Variants in CACNA2D3 observed in about 807,000 individuals in gnomAD.
CACNA2D3 encodes the protein calcium voltage-gated channel auxiliary subunit alpha2delta 3.
A neutral mutation model predicts 160.6 loss-of-function variants in CACNA2D3; 60 were observed. That is an observed-to-expected ratio of 0.37 (90% CI 0.30 to 0.46). The LOEUF (loss-of-function observed/expected upper bound fraction) is 0.46. CACNA2D3 is among the 20% of genes least tolerant of loss of function. The probability of loss-of-function intolerance (pLI) is 1.00; values close to 1 mark genes in which losing one functional copy is unlikely to be tolerated. For synonymous variants in CACNA2D3, 558 were observed against 492.9 expected (o/e 1.13, Z -1.75); for missense variants, 1,205 against 1,365.0 (o/e 0.88, Z 1.85).
intron 27 of CACNA2D3, among the ~76,000 whole-genome samples, chr3:54,931,225 A>G (rs1173751713): frequency 6.6e-6 from 1 of 152,214 alleles, no homozygotes; most frequent in Non-Finnish European, 1.5e-5. Flanking sequence ...CCCCAGAGCT[A>G]ATGGGTTCCT....
intron 24 of CACNA2D3, 40 bp from the exon 25 acceptor site, chr3:54,891,315 G>T (rs1013767699): frequency 9.3e-6 from 13 of 1,399,632 alleles, no homozygotes; most frequent in African/African-American, 1.4e-5. Context: ...TCTGCTTACT[G>T]TCTAGAGGCC....
At chr3:54,833,041 G>A (rs1463100692) in intron 14 of CACNA2D3, among the ~76,000 whole-genome samples, 1 of 152,200 alleles carries the variant, frequency 6.6e-6, no homozygotes, top group Non-Finnish European at 1.5e-5. Flanking sequence ...CCTTGCACAT[G>A]AGTTCAAATG....
chr3:54,850,635 G>A (rs1386620247), intron 17 of CACNA2D3, among the ~76,000 whole-genome samples: 2 of 152,194 alleles, frequency 1.3e-5, no homozygotes, highest in Non-Finnish European at 2.9e-5. Context: ...CAAGGAGGAG[G>A]TCTGGAATGT....
chr3:54,582,569 G>T (rs1007343045), intron 9 of CACNA2D3, among the ~76,000 whole-genome samples: 2 of 152,192 alleles, frequency 1.3e-5, no homozygotes, highest in Non-Finnish European at 2.9e-5. Context: ...CCAGTTGACA[G>T]TTTCACTTGA....
At chr3:54,234,933 AAAT>A (rs1486944570) in intron 2 of CACNA2D3, among the ~76,000 whole-genome samples, 1 of 152,182 alleles carries the variant, frequency 6.6e-6, no homozygotes, top group Non-Finnish European at 1.5e-5. Flanking sequence ...CTGGGTGATG[AAAT>A]AATATGTACA....
At chr3:54,309,617 G>C (rs1453787931) in intron 2 of CACNA2D3, among the ~76,000 whole-genome samples, 1 of 152,108 alleles carries the variant, frequency 6.6e-6, no homozygotes, top group Non-Finnish European at 1.5e-5. Context: ...AGCTAGTTGG[G>C]AGCATGGGCT....
chr3:54,515,504 C>T (rs1701536334), intron 5 of CACNA2D3, among the ~76,000 whole-genome samples: 1 of 152,202 alleles, frequency 6.6e-6, no homozygotes, highest in African/African-American at 2.4e-5. Context: ...CTAGCTTTCT[C>T]TGCTTTGTGG....
intron 13 of CACNA2D3, among the ~76,000 whole-genome samples, chr3:54,816,005 C>T (rs533147883): frequency 1.3e-5 from 2 of 152,302 alleles, no homozygotes; most frequent in African/African-American, 2.4e-5. Context: ...TAGCCTAATA[C>T]TCTCAACACA....
chr3:54,924,954 G>A (rs746209929), intron 27 of CACNA2D3: 10 of 1,611,204 alleles, frequency 6.2e-6, no homozygotes, highest in Middle Eastern at 3.3e-4. Flanking sequence ...AGCTCCAGGG[G>A]CCAGATTTGA....
chr3:54,528,089 C>T (rs749383792), intron 5 of CACNA2D3, among the ~76,000 whole-genome samples: 8 of 152,140 alleles, frequency 5.3e-5, no homozygotes, highest in South Asian at 2.1e-4. Flanking sequence ...TGCCCCTCCA[C>T]GCTGTGGGAA....
intron 35 of CACNA2D3, among the ~76,000 whole-genome samples, chr3:55,068,129 G>A (rs972429506): frequency 2.6e-5 from 4 of 152,216 alleles, no homozygotes; most frequent in African/African-American, 9.6e-5. Context: ...CAGGGCCTAA[G>A]CAGGCAGAAG....
chr3:54,778,838 C>A (rs1001728033), intron 13 of CACNA2D3, among the ~76,000 whole-genome samples: 1 of 152,174 alleles, frequency 6.6e-6, no homozygotes, highest in Non-Finnish European at 1.5e-5. Context: ...CATGTAGCAT[C>A]CTTGCTCAAG....
At chr3:54,422,966 A>G (rs541246432) in intron 4 of CACNA2D3, among the ~76,000 whole-genome samples, 1 of 152,200 alleles carries the variant, frequency 6.6e-6, no homozygotes, top group African/African-American at 2.4e-5. Context: ...GCAGGCAGAA[A>G]CGTTATTCCT....
At chr3:54,665,486 A>AT (rs1700047943) in intron 11 of CACNA2D3, among the ~76,000 whole-genome samples, 2 of 152,204 alleles carry the variant, frequency 1.3e-5, no homozygotes, top group African/African-American at 4.8e-5. Flanking sequence ...ATACAAAGTT[A>AT]TTTTATAGTG....
At chr3:54,252,692 T>C (rs1702218179) in intron 2 of CACNA2D3, among the ~76,000 whole-genome samples, 1 of 152,186 alleles carries the variant, frequency 6.6e-6, no homozygotes, top group Non-Finnish European at 1.5e-5. Flanking sequence ...CCGTATGATA[T>C]AGTTCCCCTG....
intron 2 of CACNA2D3, among the ~76,000 whole-genome samples, chr3:54,189,873 A>T (rs1461523699): frequency 6.6e-6 from 1 of 152,242 alleles, no homozygotes; most frequent in Non-Finnish European, 1.5e-5. Flanking sequence ...GTTAATGAGT[A>T]CACATAATTT....
At chr3:54,895,394 A>G (rs918622336) in intron 25 of CACNA2D3, among the ~76,000 whole-genome samples, 2 of 152,190 alleles carry the variant, frequency 1.3e-5, no homozygotes, top group Non-Finnish European at 2.9e-5. Flanking sequence ...ACAGGGAGGT[A>G]GATTCCAGAG....
At chr3:54,809,502 T>G (rs1353941643) in intron 13 of CACNA2D3, among the ~76,000 whole-genome samples, 1 of 144,524 alleles carries the variant, frequency 6.9e-6, no homozygotes, top group African/African-American at 2.8e-5. Flanking sequence ...GTATTTTTAG[T>G]AGAGACGGGG....
chr3:54,243,335 T>C (rs955648573), intron 2 of CACNA2D3, among the ~76,000 whole-genome samples: 4 of 152,242 alleles, frequency 2.6e-5, no homozygotes, highest in East Asian at 1.9e-4. Context: ...CCCTTGATTA[T>C]ATTTAGTGTG....
Sources: allele counts gnomAD v4.1 joint callset (sites outside exome capture counted in the v4.1 genomes callset), GRCh38; gene constraint gnomAD v4.1.1; transcripts MANE v1.5; gene names NCBI Gene and HGNC (gene_info 2026-07-23, HGNC 2026-07-21).